Variants in CCDC171 observed in about 807,000 individuals in gnomAD.
The protein encoded by CCDC171 is coiled-coil domain containing 171, also known as coiled-coil domain-containing protein 171.
Under a neutral mutation model 168.2 loss-of-function variants are expected in CCDC171, and 177 were observed. The observed-to-expected ratio is 1.05, with a 90% CI of 0.93 to 1.19. The LOEUF (loss-of-function observed/expected upper bound fraction) is 1.19. Among genes scored for constraint, CCDC171 ranks in the 50% most tolerant of loss-of-function variants. The probability of loss-of-function intolerance (pLI) is 0.00; values close to 1 mark genes in which losing one functional copy is unlikely to be tolerated. For synonymous variants in CCDC171, 687 were observed against 540.8 expected, an observed-to-expected ratio of 1.27 and a Z score of -3.75; for missense variants, 1,991 against 1,539.0, an observed-to-expected ratio of 1.29 and a Z score of -4.91.
chr9:15,679,450 C>T (rs897833786), intron 10 of CCDC171, among the ~76,000 whole-genome samples: 6 of 152,090 alleles, frequency 3.9e-5, no homozygotes, highest in African/African-American at 1.4e-4. Flanking sequence ...GGACCTTTTC[C>T]TTTTGTCTTC....
At chr9:16,084,684 C>A in the CCDC171 span, among the ~76,000 whole-genome samples, 49 of 152,242 alleles carry the variant, frequency 3.2e-4, no homozygotes, top group African/African-American at 1.2e-3. Flanking sequence ...GCCATGGGGG[C>A]CCCCAGGAAG....
the CCDC171 span, among the ~76,000 whole-genome samples, chr9:16,087,557 C>CTTTTT: frequency 1.1e-3 from 90 of 78,762 alleles, 1 homozygote; most frequent in African/African-American, 1.4e-3. Context: ...GCAACTCCTG[C>CTTTTT]TTTTTTTTTT....
Position 15,777,665 on chromosome 9 carries a change from ATG to A in CCDC171, c.2738_2739del (p.Met913ArgfsTer2). On this transcript the variant is annotated frameshift_variant, in exon 19 of 26. Coordinates refer to ENST00000380701, the MANE Select transcript of CCDC171 (RefSeq NM_173550.4). LOFTEE classifies it high-confidence loss of function. ...GAAKNSFAKL[M>X]DKISLVMECI... ...AGCCAAGAATTCTTTTGCAAAACTC[ATG>A]GATAAAATTAGTCTGGTAATGGAAT... is the stretch of plus-strand genomic sequence containing the variant. The A allele has an allele frequency of 6.2e-7, 1 of 1,614,002 alleles. No individual in the cohort carries two copies. Among genetic ancestry groups the A allele is most frequent in the Non-Finnish European group, 8.5e-7 (1 of 1,179,944 alleles).
At chr9:15,738,461 T>G (rs2054632222) in intron 16 of CCDC171, among the ~76,000 whole-genome samples, 1 of 152,176 alleles carries the variant, frequency 6.6e-6, no homozygotes, top group Non-Finnish European at 1.5e-5. Flanking sequence ...ATCGGAATGT[T>G]TTTATGGGGG....
chr9:16,090,037 A>G, the CCDC171 span, among the ~76,000 whole-genome samples: 1 of 152,232 alleles, frequency 6.6e-6, no homozygotes, highest in Non-Finnish European at 1.5e-5. Flanking sequence ...CTAGAACCAG[A>G]AATACCGTTT....
intron 18 of CCDC171, among the ~76,000 whole-genome samples, chr9:15,754,214 A>G (rs933577291): frequency 1.3e-5 from 2 of 152,188 alleles, no homozygotes; most frequent in African/African-American, 4.8e-5. Context: ...ACAGGTAAAC[A>G]TTATTGTATG....
intron 9 of CCDC171, among the ~76,000 whole-genome samples, chr9:15,666,790 A>G (rs1411649285): frequency 6.6e-6 from 1 of 152,140 alleles, no homozygotes; most frequent in Non-Finnish European, 1.5e-5. Flanking sequence ...TAAGGCTAAG[A>G]TCTGGGGCTA....
intron 3 of CCDC171, among the ~76,000 whole-genome samples, chr9:15,576,508 T>A (rs542216037): frequency 6.6e-6 from 1 of 152,108 alleles, no homozygotes; most frequent in African/African-American, 2.4e-5. Flanking sequence ...TTTTAAGTAA[T>A]GTACTTTGTG....
At position 15,729,661 on chromosome 9, in the gene CCDC171, C is replaced by G. The variant is rs761402415; in HGVS notation, c.1912C>G (p.Leu638Val). The change falls in exon 16 of 26, where the codon CTT (leucine) becomes GTT (valine). Residue 638 changes from leucine to valine, a missense_variant. Leu to Val is a conservative substitution (Grantham distance 32). Transcript: ENST00000380701. ...AAACAAGTCTGACACGATGAGAGAG[C>G]TTCAGCAGACTCAGGAAGACACCTT... Reference protein sequence around the residue: ...CKNKSDTMRELQQTQEDTFTK... With the variant: ...CKNKSDTMREVQQTQEDTFTK... 4.3e-6 allele frequency: 7 copies of G among 1,613,074 alleles called. No homozygotes were observed. The highest frequency in any genetic ancestry group is 5.9e-6 in the Non-Finnish European group (7 of 1,179,434).
chr9:15,627,980 A>G (rs750313104), intron 7 of CCDC171, among the ~76,000 whole-genome samples: 4 of 152,092 alleles, frequency 2.6e-5, no homozygotes, highest in Non-Finnish European at 5.9e-5. Flanking sequence ...CCTAAGAATC[A>G]TGGGTTTAGG....
At chr9:15,753,108 C>G (rs968155588) in intron 18 of CCDC171, among the ~76,000 whole-genome samples, 10 of 152,088 alleles carry the variant, frequency 6.6e-5, no homozygotes, top group African/African-American at 2.4e-4. Flanking sequence ...ACAATAATGA[C>G]AACTCATGAG....
chr9:16,026,317 C>G (rs1374214128), intron 6 of CCDC171, among the ~76,000 whole-genome samples: 1 of 152,148 alleles, frequency 6.6e-6, no homozygotes, highest in African/African-American at 2.4e-5. Flanking sequence ...AACACTTGTG[C>G]TCATTTGATC....
At chr9:15,932,422 G>C (rs867057130) in intron 25 of CCDC171, among the ~76,000 whole-genome samples, 96 of 151,806 alleles carry the variant, frequency 6.3e-4, no homozygotes, top group African/African-American at 2.2e-3. Flanking sequence ...TTGACTATTT[G>C]AATATTAAAA....
At chr9:15,718,505 C>A (rs1399733868) in intron 11 of CCDC171, among the ~76,000 whole-genome samples, 1 of 152,354 alleles carries the variant, frequency 6.6e-6, no homozygotes. Context: ...TTAATGGTTA[C>A]AGCAGGTCTT....
the CCDC171 span, among the ~76,000 whole-genome samples, chr9:16,098,544 A>G: frequency 2.0e-5 from 3 of 152,222 alleles, no homozygotes; most frequent in African/African-American, 7.2e-5. Flanking sequence ...CAGTTTTGGC[A>G]TATGTACAAT....
intron 25 of CCDC171, among the ~76,000 whole-genome samples, chr9:15,969,103 T>C (rs1831096334): frequency 6.6e-6 from 1 of 152,146 alleles, no homozygotes; most frequent in African/African-American, 2.4e-5. Context: ...CGTCAGAAAA[T>C]AGTGTGCAAA....
intron 18 of CCDC171, among the ~76,000 whole-genome samples, chr9:15,767,599 C>T (rs1588385927): frequency 6.6e-6 from 1 of 151,860 alleles, no homozygotes; most frequent in African/African-American, 2.4e-5. Context: ...CATTATTCTT[C>T]CTACCACAGC....
chr9:15,798,326 T>C lies in CCDC171; in HGVS notation c.3267+13632T>C, dbSNP rs994301593. Among the ~76,000 whole-genome samples the C allele has an allele frequency of 3.3e-5, 5 of 152,146 alleles. No individual in the cohort carries two copies. In the East Asian group the frequency reaches 9.6e-4, roughly 29 times the overall value. On this transcript the variant is annotated intron_variant, in intron 21 of 25. Coordinates refer to ENST00000380701, the MANE Select transcript of CCDC171 (RefSeq NM_173550.4). ...TTTCTCTTTTCTCTAGTTAGGAGTT[T>C]ATTAATTTTGTTGTTCATTTCAAAA... is the stretch of plus-strand genomic sequence containing the variant.
At chr9:15,716,342 C>A (rs2053086040) in intron 11 of CCDC171, among the ~76,000 whole-genome samples, 1 of 151,972 alleles carries the variant, frequency 6.6e-6, no homozygotes, top group African/African-American at 2.4e-5. Context: ...GTTTTTAAAC[C>A]TTTCTTTGAT....
Sources: allele counts gnomAD v4.1 joint callset (sites outside exome capture counted in the v4.1 genomes callset), GRCh38; gene constraint gnomAD v4.1.1; transcripts MANE v1.5; gene names NCBI Gene and HGNC (gene_info 2026-07-23, HGNC 2026-07-21).